The following CMSS1 variants were observed in gnomAD, a reference collection of about 807,000 sequenced individuals.
CMSS1 encodes protein CMSS1.
A neutral mutation model predicts 43.5 loss-of-function variants in CMSS1; 33 were observed. The ratio of observed to expected loss-of-function variants is 0.76; its 90% CI spans 0.57 to 1.01. CMSS1 has a LOEUF of 1.01. Ranked by LOEUF, CMSS1 falls within the 50% of genes least tolerant of loss-of-function variation. CMSS1 has a pLI of 0.00. For missense variants in CMSS1, 313 were observed against 326.4 expected, an observed-to-expected ratio of 0.96 and a Z score of 0.32; for synonymous variants, 115 against 117.2, an observed-to-expected ratio of 0.98 and a Z score of 0.12.
At chr3:99,878,012 A>G (rs765847047) in intron 1 of CMSS1, among the ~76,000 whole-genome samples, 4 of 152,168 alleles carry the variant, frequency 2.6e-5, no homozygotes, top group Non-Finnish European at 2.9e-5. Flanking sequence ...GCTGGTTCCC[A>G]TGAAATATGT....
intron 1 of CMSS1, chr3:99,876,235 G>C (rs1410604622): frequency 1.0e-6 from 1 of 984,898 alleles, no homozygotes; most frequent in African/African-American, 1.7e-5. Context: ...CTTATAAGGC[G>C]CTCCGCGTGT....
intron 2 of CMSS1, among the ~76,000 whole-genome samples, chr3:100,147,528 C>G (rs1036235992): frequency 1.4e-4 from 21 of 152,088 alleles, no homozygotes; most frequent in African/African-American, 5.1e-4. Context: ...CCACCTTGGC[C>G]TCCCAAAGTG....
rs111561409 is a variant in CMSS1, at chr3:100,170,580, A to C, written c.519-1259A>C. 8.1e-4 allele frequency among the ~76,000 whole-genome samples: 124 copies of C among 152,292 alleles called. 1 individual carries two copies. The highest frequency in any genetic ancestry group is 2.8e-3 in the African/African-American group (118 of 41,552). ...AAGAAAAAAAAAGAGTTCCCTGAGAAATAGTTTTCCCCTCTGTGACATAGT... is the reference window on the plus strand; with the variant it reads ...AAGAAAAAAAAAGAGTTCCCTGAGACATAGTTTTCCCCTCTGTGACATAGT... On this transcript the variant is annotated intron_variant, in intron 6 of 9. Transcript: ENST00000421999.
At chr3:100,141,925 C>A (rs2107507965) in intron 1 of CMSS1, among the ~76,000 whole-genome samples, 1 of 152,296 alleles carries the variant, frequency 6.6e-6, no homozygotes, top group South Asian at 2.1e-4. Context: ...GTACTGGAGC[C>A]AACCTGGCTA....
chr3:100,121,112 C>CT (rs2066615536), intron 1 of CMSS1, among the ~76,000 whole-genome samples: 1 of 152,028 alleles, frequency 6.6e-6, no homozygotes, highest in South Asian at 2.1e-4. Flanking sequence ...TTTTTTAATT[C>CT]TTTAAGTTCT....
At chr3:99,821,140 A>G (rs909257445) in intron 1 of CMSS1, among the ~76,000 whole-genome samples, 2 of 152,212 alleles carry the variant, frequency 1.3e-5, no homozygotes, top group Non-Finnish European at 2.9e-5. Flanking sequence ...GGTATGTAAC[A>G]AAGTTTTCAT....
chr3:99,847,995 T>G lies in CMSS1; in HGVS notation c.64+29952T>G, dbSNP rs1229814321. ...TTCACCAAGACAAGTTGCAGTCAAA[T>G]TAAAGTGAGTTATGGAAAATGAAAT... On this transcript the variant is annotated intron_variant, in intron 1 of 9. Coordinates refer to ENST00000421999, the MANE Select transcript of CMSS1 (RefSeq NM_032359.4). 5 of 1,082,710 alleles carry G rather than the reference T, an allele frequency of 4.6e-6. No homozygotes were observed. The East Asian group carries it at 2.3e-4, about 49-fold the overall frequency. The allele number at this position is 1,082,710 out of a possible 1,614,324, so 67.1% of individuals were successfully genotyped here. A position where few individuals can be genotyped will look rare whatever the true frequency, so the allele number is the denominator to read the frequency against.
intron 1 of CMSS1, chr3:99,849,919 T>C (rs1943578415): frequency 1.9e-6 from 3 of 1,612,338 alleles, no homozygotes; most frequent in African/African-American, 1.3e-5. Context: ...TTTCAACATA[T>C]TAACTCTTGA....
chr3:99,998,674 C>A (rs138679416), intron 1 of CMSS1, among the ~76,000 whole-genome samples: 2 of 152,106 alleles, frequency 1.3e-5, no homozygotes, highest in Admixed American at 6.5e-5. Context: ...GCGATTCTCC[C>A]GCCTCAGCCT....
chr3:99,886,377 A>G (rs1705897263), intron 1 of CMSS1, among the ~76,000 whole-genome samples: 1 of 152,098 alleles, frequency 6.6e-6, no homozygotes, highest in South Asian at 2.1e-4. Context: ...CTTGTACCAT[A>G]CATAAAATAC....
At chr3:99,970,787 A>G (rs1040976565) in intron 1 of CMSS1, among the ~76,000 whole-genome samples, 2 of 152,246 alleles carry the variant, frequency 1.3e-5, no homozygotes, top group Non-Finnish European at 2.9e-5. Flanking sequence ...AAGACCTTAA[A>G]CATTATACTA....
In CMSS1 at chr3:100,167,896, C is replaced by T. The variant is rs2067078211; in HGVS notation, c.518+56C>T. On this transcript the variant is annotated intron_variant, in intron 6 of 9. Transcript: ENST00000421999. ...ATGTTTTCTGAATAACTGATATATG[C>T]CAAGCTATTATGTTCTATGTGCTGG... 6.6e-6 allele frequency: 8 copies of T among 1,204,476 alleles called. 1 individual carries two copies. In the South Asian group the frequency reaches 1.0e-4, roughly 16 times the overall value. 74.6% of individuals were successfully genotyped at this position (1,204,476 alleles called of 1,614,324 possible).
chr3:99,830,209 G>A (rs540351609), intron 1 of CMSS1: 20 of 297,388 alleles, frequency 6.7e-5, no homozygotes, highest in Middle Eastern at 1.2e-3. Context: ...GTGGGTCTAG[G>A]CCTGCGAGTG....
intron 1 of CMSS1, among the ~76,000 whole-genome samples, chr3:100,117,082 T>C (rs997097809): frequency 1.3e-5 from 2 of 152,156 alleles, no homozygotes; most frequent in Non-Finnish European, 2.9e-5. Flanking sequence ...AAGAGTTCAA[T>C]TATTTATTCA....
At chr3:99,924,817 C>T (rs1258948022) in intron 1 of CMSS1, among the ~76,000 whole-genome samples, 2 of 152,096 alleles carry the variant, frequency 1.3e-5, no homozygotes, top group Admixed American at 6.6e-5. Context: ...CCACGGCGCC[C>T]GGCCAGCAGT....
intron 1 of CMSS1, among the ~76,000 whole-genome samples, chr3:99,879,673 C>T (rs532428831): frequency 2.0e-5 from 3 of 152,294 alleles, no homozygotes; most frequent in South Asian, 2.1e-4. Flanking sequence ...GCAGTTGGTA[C>T]GCTCTGCTCC....
intron 1 of CMSS1, among the ~76,000 whole-genome samples, chr3:99,903,395 G>A (rs1706503967): frequency 6.6e-6 from 1 of 152,048 alleles, no homozygotes; most frequent in Admixed American, 6.6e-5. Flanking sequence ...GGGATTACAG[G>A]CGCCTGCCAC....
chr3:99,884,846 T>G (rs1353879464), intron 1 of CMSS1, among the ~76,000 whole-genome samples: 1 of 152,218 alleles, frequency 6.6e-6, no homozygotes, highest in Non-Finnish European at 1.5e-5. Flanking sequence ...TTCTTGTACT[T>G]TTGAAGCAGC....
intron 1 of CMSS1, among the ~76,000 whole-genome samples, chr3:100,081,715 A>G (rs113556400): frequency 1.3e-5 from 2 of 152,192 alleles, no homozygotes; most frequent in Admixed American, 1.3e-4. Flanking sequence ...TAAATAGTAA[A>G]TGTTACAATG....
Sources: gnomAD v4.1 joint callset for allele counts (sites outside exome capture counted in the v4.1 genomes callset) on GRCh38, gnomAD v4.1.1 for gene constraint, MANE v1.5 for transcripts, NCBI Gene and HGNC (gene_info 2026-07-23, HGNC 2026-07-21) for gene names.